Variants in DCC observed in about 807,000 individuals in gnomAD.
The protein encoded by DCC is DCC netrin 1 receptor.
A neutral mutation model predicts 172.5 loss-of-function variants in DCC; 58 were observed. The ratio of observed to expected loss-of-function variants is 0.34; its 90% CI spans 0.27 to 0.42. The LOEUF (loss-of-function observed/expected upper bound fraction) is 0.42, where lower values mean the gene tolerates loss of function less well. DCC is among the 10% of genes least tolerant of loss of function. The pLI, the probability that DCC is intolerant of heterozygous loss-of-function variation, is 1.00. For missense variants in DCC, 1,740 were observed against 1,791.0 expected, an observed-to-expected ratio of 0.97 and a Z score of 0.51; for synonymous variants, 709 against 644.5, an observed-to-expected ratio of 1.10 and a Z score of -1.52.
In DCC at chr18:52,752,393, C is replaced by T. The variant is rs771432526; in HGVS notation, c.412+19C>T. ...GTAGCAGGTAGGTGGATTCTTCCTTCTCTTCCTCCTCCTCCTTCCTCTCTT... is the reference window on the plus strand; with the variant it reads ...GTAGCAGGTAGGTGGATTCTTCCTTTTCTTCCTCCTCCTCCTTCCTCTCTT... On this transcript the variant is annotated intron_variant, in intron 2 of 28. Transcript: ENST00000442544. 6.4e-7 allele frequency: 1 copy of T among 1,563,228 alleles called. No individual in the cohort carries two copies. Among genetic ancestry groups the T allele is most frequent in the African/African-American group, 1.4e-5 (1 of 73,940 alleles).
At chr18:53,434,348 C>G (rs1911809555) in intron 21 of DCC, among the ~76,000 whole-genome samples, 1 of 152,150 alleles carries the variant, frequency 6.6e-6, no homozygotes, top group Non-Finnish European at 1.5e-5. Context: ...TTCTAGAACT[C>G]AAAATCTAAT....
At chr18:52,467,019 C>T (rs924898891) in intron 1 of DCC, among the ~76,000 whole-genome samples, 1 of 148,736 alleles carries the variant, frequency 6.7e-6, no homozygotes, top group Admixed American at 6.9e-5. Flanking sequence ...TTGTGTGGTT[C>T]TTCTTGCTGT....
rs1030609611 is a variant in DCC, at chr18:53,179,089, C to A, written c.1546C>A (p.Pro516Thr). The A allele has an allele frequency of 6.2e-6, 10 of 1,613,774 alleles. No homozygotes were observed. The African/African-American group carries it at 9.3e-5, about 15-fold the overall frequency. The change falls in exon 9 of 29, where the codon CCC (proline) becomes ACC (threonine). Residue 516 changes from proline (P) to threonine (T), a missense_variant. This residue lies in a region of DCC where 1,732 missense variants were observed against 1,767.4 expected (regional missense o/e 0.98). Coordinates refer to ENST00000442544, the MANE Select transcript of DCC (RefSeq NM_005215.4). ...NEWGPGESSQ[P>T]IKVATQPELQ... ...ATGGGGACCGGGAGAGAGTTCTCAA[C>A]CCATCAAGGTGGCCACACAGCCTGA...
chr18:52,387,238 C>T (rs1439345630), intron 1 of DCC, among the ~76,000 whole-genome samples: 3 of 152,122 alleles, frequency 2.0e-5, no homozygotes, highest in African/African-American at 7.2e-5. Flanking sequence ...CTCTGCCCTC[C>T]AGCAGCCTGT....
intron 5 of DCC, among the ~76,000 whole-genome samples, chr18:53,007,756 G>T (rs532988012): frequency 3.9e-5 from 6 of 152,146 alleles, no homozygotes; most frequent in African/African-American, 1.4e-4. Flanking sequence ...GAGGCTTAAG[G>T]ACCAGGAAAT....
intron 24 of DCC, among the ~76,000 whole-genome samples, chr18:53,467,336 C>T (rs960866560): frequency 6.6e-6 from 1 of 151,840 alleles, no homozygotes; most frequent in Non-Finnish European, 1.5e-5. Flanking sequence ...TTTAGTGACT[C>T]TTTAGTATGA....
chr18:52,845,501 C>G (rs1251524210), intron 2 of DCC, among the ~76,000 whole-genome samples: 1 of 152,144 alleles, frequency 6.6e-6, no homozygotes, highest in African/African-American at 2.4e-5. Flanking sequence ...AACCAGATCT[C>G]TTAGGAAAAA....
At chr18:53,123,940 G>C (rs1008892770) in intron 7 of DCC, among the ~76,000 whole-genome samples, 3 of 151,950 alleles carry the variant, frequency 2.0e-5, no homozygotes, top group Admixed American at 6.6e-5. Context: ...TCATCAGTGA[G>C]GCACATCAGG....
Position 52,726,274 on chromosome 18 carries a change from G to C in DCC, c.92-25780G>C, listed in dbSNP as rs536537989. ...AAATCTAGATATGCTTGCCTCCGGAGTCTGCAATCTTAACCACTATCCTTT... is the reference window on the plus strand; with the variant it reads ...AAATCTAGATATGCTTGCCTCCGGACTCTGCAATCTTAACCACTATCCTTT... On this transcript the variant is annotated intron_variant, in intron 1 of 28. Transcript: ENST00000442544. 1.9e-3 allele frequency among the ~76,000 whole-genome samples: 291 copies of C among 152,302 alleles called. 1 individual carries two copies. The highest frequency in any genetic ancestry group is 2.6e-3 in the Non-Finnish European group (180 of 68,016).
At chr18:52,431,633 A>G (rs1987627172) in intron 1 of DCC, among the ~76,000 whole-genome samples, 1 of 152,174 alleles carries the variant, frequency 6.6e-6, no homozygotes. Context: ...TATGGTTCCA[A>G]TGCCAGATGA....
chr18:53,000,109 T>G (rs2041541188), intron 5 of DCC, among the ~76,000 whole-genome samples: 1 of 152,080 alleles, frequency 6.6e-6, no homozygotes, highest in East Asian at 1.9e-4. Flanking sequence ...CATCTTGTTT[T>G]CAGACTTCTG....
At chr18:52,460,026 T>C (rs536529521) in intron 1 of DCC, among the ~76,000 whole-genome samples, 1 of 152,240 alleles carries the variant, frequency 6.6e-6, no homozygotes, top group South Asian at 2.1e-4. Context: ...AACTTACGTG[T>C]GCATATTTCT....
At chr18:52,568,769 A>T (rs1312885803) in intron 1 of DCC, among the ~76,000 whole-genome samples, 1 of 152,094 alleles carries the variant, frequency 6.6e-6, no homozygotes, top group Admixed American at 6.6e-5. Flanking sequence ...TCAGCAGTGA[A>T]CGTGCAAGGT....
chr18:53,452,407 G>C (rs1000428021), intron 23 of DCC, among the ~76,000 whole-genome samples: 10 of 152,042 alleles, frequency 6.6e-5, no homozygotes, highest in African/African-American at 2.4e-4. Flanking sequence ...TCATTTCTGT[G>C]AGAAGAATGT....
In DCC at chr18:52,832,273, A is replaced by G. The variant is rs551473627; in HGVS notation, c.413-73771A>G. ...GAAAGAGCCTCACAATGGCTTAGTG[A>G]GGCCTTCCAAGGGAGCAAAATGGGC... On this transcript the variant is annotated intron_variant, in intron 2 of 28. Transcript: ENST00000442544. Among the ~76,000 whole-genome samples the G allele has an allele frequency of 9.3e-4, 141 of 152,218 alleles. 1 individual carries two copies. Among genetic ancestry groups the G allele is most frequent in the African/African-American group, 3.0e-3 (126 of 41,504 alleles).
chr18:52,441,897 C>T (rs940662571), intron 1 of DCC, among the ~76,000 whole-genome samples: 3 of 152,136 alleles, frequency 2.0e-5, no homozygotes, highest in African/African-American at 2.4e-5. Context: ...AATGATGATA[C>T]AGGCTTCATC....
chr18:52,483,184 G>T (rs2030040652), intron 1 of DCC, among the ~76,000 whole-genome samples: 1 of 151,936 alleles, frequency 6.6e-6, no homozygotes, highest in Non-Finnish European at 1.5e-5. Flanking sequence ...GTGTGTCATT[G>T]GATTTAGGGT....
chr18:53,252,361 G>A (rs1345297337), intron 12 of DCC, among the ~76,000 whole-genome samples: 1 of 151,884 alleles, frequency 6.6e-6, no homozygotes, highest in African/African-American at 2.4e-5. Context: ...TGACCCCAAA[G>A]AAAGACTGAG....
intron 1 of DCC, among the ~76,000 whole-genome samples, chr18:52,694,082 A>T (rs1047909829): frequency 3.9e-5 from 6 of 152,164 alleles, no homozygotes; most frequent in Non-Finnish European, 8.8e-5. Context: ...TCATGTTAAT[A>T]GCATGTCCCC....
Sources: gnomAD v4.1 joint callset for allele counts (sites outside exome capture counted in the v4.1 genomes callset) on GRCh38, gnomAD v4.1.1 for gene constraint, gnomAD v4.1.1 regional missense constraint, MANE v1.5 for transcripts, NCBI Gene and HGNC (gene_info 2026-07-23, HGNC 2026-07-21) for gene names.